Variants in LHFPL3 observed in about 807,000 individuals in gnomAD.
LHFPL3 encodes the protein LHFPL tetraspan subfamily member 3 protein.
In LHFPL3, 5 loss-of-function variants were observed where a neutral mutation model predicts 19.3. That is an observed-to-expected ratio of 0.26 (90% confidence interval 0.14 to 0.54). LHFPL3 has a LOEUF of 0.54. Among genes scored for constraint, LHFPL3 ranks in the 20% least tolerant of loss-of-function variants. The probability of loss-of-function intolerance (pLI) is 0.94; values close to 1 mark genes in which losing one functional copy is unlikely to be tolerated. For missense variants in LHFPL3, 249 were observed against 307.4 expected, an observed-to-expected ratio of 0.81 and a Z score of 1.42; for synonymous variants, 133 against 126.2, an observed-to-expected ratio of 1.05 and a Z score of -0.36.
chr7:104,734,391 C>T (rs1471175155), intron 1 of LHFPL3, among the ~76,000 whole-genome samples: 1 of 152,226 alleles, frequency 6.6e-6, no homozygotes, highest in Non-Finnish European at 1.5e-5. Context: ...CACATAGTCC[C>T]ATATTTCTTG....
intron 1 of LHFPL3, among the ~76,000 whole-genome samples, chr7:104,695,231 G>A (rs1792977238): frequency 6.6e-6 from 1 of 151,996 alleles, no homozygotes; most frequent in Non-Finnish European, 1.5e-5. Flanking sequence ...CCTCCCAAAG[G>A]GCTGCAATTA....
At chr7:104,613,018 T>C (rs1219255216) in intron 1 of LHFPL3, among the ~76,000 whole-genome samples, 3 of 152,236 alleles carry the variant, frequency 2.0e-5, no homozygotes, top group East Asian at 3.8e-4. Flanking sequence ...TTACTAATCA[T>C]AGCACCTGTA....
chr7:104,596,100 G>T (rs776946731), intron 1 of LHFPL3, among the ~76,000 whole-genome samples: 5 of 152,194 alleles, frequency 3.3e-5, no homozygotes, highest in Non-Finnish European at 7.3e-5. Context: ...AGATGAACCA[G>T]GTACCTCAGT....
chr7:104,803,669 C>T (rs1790299269), intron 2 of LHFPL3: 1 of 152,246 alleles, frequency 6.6e-6, no homozygotes, highest in African/African-American at 2.4e-5. Context: ...GGTTTCAGTT[C>T]CCTTACCCTC....
chr7:104,844,350 C>T (rs189947262), intron 2 of LHFPL3, among the ~76,000 whole-genome samples: 6 of 152,366 alleles, frequency 3.9e-5, no homozygotes, highest in Non-Finnish European at 5.9e-5. Flanking sequence ...AGCCTTGAAG[C>T]GTCCAGCGTG....
At chr7:104,741,041 G>A (rs1413161512) in intron 2 of LHFPL3, among the ~76,000 whole-genome samples, 4 of 152,282 alleles carry the variant, frequency 2.6e-5, no homozygotes, top group East Asian at 1.9e-4. Context: ...GGGAATACAA[G>A]ATGCTGCTGA....
chr7:104,535,364 A>G (rs1277141927), intron 1 of LHFPL3, among the ~76,000 whole-genome samples: 2 of 152,236 alleles, frequency 1.3e-5, no homozygotes, highest in African/African-American at 4.8e-5. Context: ...CTACAATCCA[A>G]TGAAATGTAT....
intron 1 of LHFPL3, among the ~76,000 whole-genome samples, chr7:104,540,049 T>C (rs1794455831): frequency 6.6e-6 from 1 of 152,154 alleles, no homozygotes; most frequent in Admixed American, 6.6e-5. Flanking sequence ...GGGAGAAACT[T>C]ATTGCAATGT....
chr7:104,867,501 A>C (rs1038676699), intron 2 of LHFPL3, among the ~76,000 whole-genome samples: 7 of 152,254 alleles, frequency 4.6e-5, no homozygotes, highest in Non-Finnish European at 8.8e-5. Context: ...ATTCCTGGAC[A>C]CATACACCCT....
chr7:104,530,523 G>A (rs1190775921), intron 1 of LHFPL3, among the ~76,000 whole-genome samples: 1 of 152,174 alleles, frequency 6.6e-6, no homozygotes, highest in Non-Finnish European at 1.5e-5. Flanking sequence ...AGTTGTGCCT[G>A]TTGTAAACAC....
intron 2 of LHFPL3, among the ~76,000 whole-genome samples, chr7:104,835,039 C>T (rs900217863): frequency 6.6e-6 from 1 of 151,814 alleles, no homozygotes; most frequent in Admixed American, 6.6e-5. Context: ...TGTGAATTTT[C>T]CATAGCAGTT....
At chr7:104,352,036 AAAAAAT>A (rs1004759983) in intron 1 of LHFPL3, among the ~76,000 whole-genome samples, 4 of 152,024 alleles carry the variant, frequency 2.6e-5, no homozygotes, top group Non-Finnish European at 4.4e-5. Flanking sequence ...CATCTCTACA[AAAAAAT>A]AAAAATAAAA....
At chr7:104,707,743 G>A (rs557949702) in intron 1 of LHFPL3, among the ~76,000 whole-genome samples, 2 of 152,144 alleles carry the variant, frequency 1.3e-5, no homozygotes, top group Non-Finnish European at 2.9e-5. Context: ...GTATTTGAAT[G>A]ACTGAAAACA....
intron 2 of LHFPL3, among the ~76,000 whole-genome samples, chr7:104,868,036 T>G (rs1175721757): frequency 6.6e-6 from 1 of 152,096 alleles, no homozygotes; most frequent in East Asian, 1.9e-4. Flanking sequence ...CAACCCTTCA[T>G]GCTAAAAACT....
chr7:104,641,021 G>T (rs751413095), intron 1 of LHFPL3, among the ~76,000 whole-genome samples: 7 of 152,190 alleles, frequency 4.6e-5, no homozygotes, highest in Non-Finnish European at 7.3e-5. Context: ...TTAAAGACAG[G>T]TTTTCGTTTC....
chr7:104,497,791 C>T (rs1215795271), intron 1 of LHFPL3, among the ~76,000 whole-genome samples: 1 of 152,174 alleles, frequency 6.6e-6, no homozygotes, highest in African/African-American at 2.4e-5. Flanking sequence ...TCCAGTGCTA[C>T]TGTGGAAGGC....
chr7:104,647,607 C>A (rs1791955661), intron 1 of LHFPL3, among the ~76,000 whole-genome samples: 1 of 152,212 alleles, frequency 6.6e-6, no homozygotes, highest in South Asian at 2.1e-4. Flanking sequence ...GCAGCACATT[C>A]AACCATAGTG....
intron 2 of LHFPL3, chr7:104,894,910 A>G (rs1269645469): frequency 6.6e-6 from 1 of 152,188 alleles, no homozygotes; most frequent in South Asian, 2.1e-4. Context: ...GGCTGCTTCC[A>G]AAGTCCAGGT....
rs1161302762 is a variant in LHFPL3 at position 104,752,059 on chromosome 7, T to C, written c.682+15148T>C. On this transcript the variant is annotated intron_variant, in intron 2 of 2. Transcript: ENST00000424859. ...CCGGCGGCCAGTATTGATAGGCTACTGGCGGTTGGGTCTTATTTTCTTTAA... is the reference window on the plus strand; with the variant it reads ...CCGGCGGCCAGTATTGATAGGCTACCGGCGGTTGGGTCTTATTTTCTTTAA... Among the ~76,000 whole-genome samples, 20 of 152,172 alleles carry C rather than the reference T, an allele frequency of 1.3e-4. 1 individual carries two copies. The highest frequency in any genetic ancestry group is 1.3e-3 in the Admixed American group (20 of 15,280).
Sources: gnomAD v4.1 joint callset for allele counts (sites outside exome capture counted in the v4.1 genomes callset) on GRCh38, gnomAD v4.1.1 for gene constraint, MANE v1.5 for transcripts, NCBI Gene and HGNC (gene_info 2026-07-23, HGNC 2026-07-21) for gene names.